The following LRP1B variants were observed in gnomAD, a reference collection of about 807,000 sequenced individuals.
The protein encoded by LRP1B is low-density lipoprotein receptor-related protein 1B.
In LRP1B, 217 loss-of-function variants were observed where a neutral mutation model predicts 556.6. That is an observed-to-expected ratio of 0.39 (90% CI 0.35 to 0.44). The LOEUF (loss-of-function observed/expected upper bound fraction) is 0.44. Among genes scored for constraint, LRP1B ranks in the 20% least tolerant of loss-of-function variants. LRP1B has a pLI of 1.00. For synonymous variants in LRP1B, 2,047 were observed against 1,865.8 expected, an observed-to-expected ratio of 1.10 and a Z score of -2.50; for missense variants, 5,053 against 5,620.8, an observed-to-expected ratio of 0.90 and a Z score of 3.23.
chr2:141,205,011 A>G (rs1361928927), intron 6 of LRP1B, among the ~76,000 whole-genome samples: 1 of 152,188 alleles, frequency 6.6e-6, no homozygotes, highest in African/African-American at 2.4e-5. Context: ...TAATAGCTCA[A>G]TGCCTATCTT....
At chr2:141,050,214 A>G (rs933074300) in intron 10 of LRP1B, among the ~76,000 whole-genome samples, 1 of 151,912 alleles carries the variant, frequency 6.6e-6, no homozygotes, top group African/African-American at 2.4e-5. Flanking sequence ...AAAATAAAAA[A>G]TAAGCAATTA....
At chr2:141,560,109 A>G (rs1403735819) in intron 2 of LRP1B, among the ~76,000 whole-genome samples, 2 of 151,688 alleles carry the variant, frequency 1.3e-5, no homozygotes, top group African/African-American at 2.4e-5. Context: ...CAAAAAGAAA[A>G]GAAAATGGTT....
rs148373655 is a variant in LRP1B at position 141,384,856 on chromosome 2, C to T, written c.343+95540G>A. ...CTTATTGAATGACTCACCAGTTCTC[C>T]TTCACTGATTAATCCTTTTCCTCAT... On this transcript the variant is annotated intron_variant, in intron 3 of 90. Transcript: ENST00000389484. Among the ~76,000 whole-genome samples the T allele has an allele frequency of 2.4e-3, 371 of 152,298 alleles. 2 individuals are homozygous for T. Among genetic ancestry groups the T allele is most frequent in the African/African-American group, 8.1e-3 (337 of 41,564 alleles).
At chr2:141,817,053 A>G (rs993588858) in intron 1 of LRP1B, among the ~76,000 whole-genome samples, 5 of 152,224 alleles carry the variant, frequency 3.3e-5, no homozygotes, top group African/African-American at 1.2e-4. Context: ...AAAAAATTTC[A>G]GTATTTCAAG....
intron 43 of LRP1B, among the ~76,000 whole-genome samples, chr2:140,579,804 T>C (rs931641643): frequency 4.6e-5 from 7 of 152,174 alleles, no homozygotes; most frequent in Non-Finnish European, 8.8e-5. Context: ...ATCGCGCCAC[T>C]GCACTCCAGC....
chr2:140,595,790 A>T (rs1682418553), intron 43 of LRP1B, among the ~76,000 whole-genome samples: 2 of 152,160 alleles, frequency 1.3e-5, no homozygotes, highest in African/African-American at 4.8e-5. Flanking sequence ...AAGCATAAGG[A>T]TTTTAAATGA....
chr2:141,865,509 G>T (rs1574443109), intron 1 of LRP1B, among the ~76,000 whole-genome samples: 1 of 145,230 alleles, frequency 6.9e-6, no homozygotes, highest in Admixed American at 6.9e-5. Flanking sequence ...GGAGAATGGC[G>T]TGAACCCGGG....
chr2:141,951,980 C>T (rs953674140), intron 1 of LRP1B, among the ~76,000 whole-genome samples: 4 of 143,306 alleles, frequency 2.8e-5, no homozygotes, highest in African/African-American at 5.2e-5. Flanking sequence ...TCTCTTAATG[C>T]TATCCCTCCC....
intron 43 of LRP1B, chr2:140,586,534 G>A (rs1463430507): frequency 2.0e-5 from 3 of 152,310 alleles, no homozygotes; most frequent in Admixed American, 2.0e-4. Context: ...CTCTGCTGAG[G>A]TGGTGTCAGA....
At chr2:141,830,889 T>C (rs548508728) in intron 1 of LRP1B, among the ~76,000 whole-genome samples, 5 of 151,896 alleles carry the variant, frequency 3.3e-5, no homozygotes, top group African/African-American at 1.2e-4. Flanking sequence ...ATTTACATCA[T>C]CTAGAAAACT....
chr2:141,172,167 C>T (rs1320600456), intron 7 of LRP1B, among the ~76,000 whole-genome samples: 1 of 152,006 alleles, frequency 6.6e-6, no homozygotes, highest in Non-Finnish European at 1.5e-5. Context: ...AAATAGTTCA[C>T]AAAGCACAGA....
intron 15 of LRP1B, among the ~76,000 whole-genome samples, chr2:141,004,632 A>T (rs1697516452): frequency 6.6e-6 from 1 of 152,042 alleles, no homozygotes; most frequent in African/African-American, 2.4e-5. Flanking sequence ...TATGTATTAT[A>T]TACATCCTAT....
intron 11 of LRP1B, among the ~76,000 whole-genome samples, chr2:141,035,918 A>C (rs572761963): frequency 1.3e-5 from 2 of 152,258 alleles, no homozygotes; most frequent in South Asian, 2.1e-4. Context: ...TCTAAGGAAA[A>C]GGGAAAGAAA....
At chr2:141,622,644 A>G (rs1464418742) in intron 2 of LRP1B, among the ~76,000 whole-genome samples, 1 of 152,230 alleles carries the variant, frequency 6.6e-6, no homozygotes, top group Non-Finnish European at 1.5e-5. Context: ...ATGTATCCAC[A>G]CAGTCTCTCT....
At position 141,392,843 on chromosome 2, in the gene LRP1B, G is replaced by A. The variant is rs181806139; in HGVS notation, c.343+87553C>T. Among the ~76,000 whole-genome samples, 6 of 152,242 alleles carry A rather than the reference G, an allele frequency of 3.9e-5. No individual in the cohort carries two copies. In the East Asian group the frequency reaches 7.7e-4, roughly 20 times the overall value. ...TATGAATGCCCAGCACTTAGGAATT[G>A]GGCTGTGGAACACAGTGCCAGCTCC... On this transcript the variant is annotated intron_variant, in intron 3 of 90. Transcript: ENST00000389484.
chr2:141,430,760 T>C (rs1024017307), intron 3 of LRP1B, among the ~76,000 whole-genome samples: 1 of 152,204 alleles, frequency 6.6e-6, no homozygotes, highest in African/African-American at 2.4e-5. Flanking sequence ...CTTTTGGTTA[T>C]ACAATCAAAT....
At chr2:141,211,341 G>A (rs982952423) in intron 6 of LRP1B, among the ~76,000 whole-genome samples, 1 of 151,216 alleles carries the variant, frequency 6.6e-6, no homozygotes, top group Non-Finnish European at 1.5e-5. Flanking sequence ...AGCATTCAGG[G>A]CCGGGCACGG....
chr2:141,566,151 T>A (rs1686322048), intron 2 of LRP1B, among the ~76,000 whole-genome samples: 2 of 138,698 alleles, frequency 1.4e-5, no homozygotes. Flanking sequence ...TAAGCCACAT[T>A]TCAGGAAAAA....
chr2:141,442,060 C>T (rs760429301), intron 3 of LRP1B, among the ~76,000 whole-genome samples: 4 of 152,074 alleles, frequency 2.6e-5, no homozygotes, highest in East Asian at 1.9e-4. Flanking sequence ...AAAGACATTA[C>T]GAAAATTGTC....
Sources: gnomAD v4.1 joint callset for allele counts (sites outside exome capture counted in the v4.1 genomes callset) on GRCh38, gnomAD v4.1.1 for gene constraint, MANE v1.5 for transcripts, NCBI Gene and HGNC (gene_info 2026-07-23, HGNC 2026-07-21) for gene names.